HMGCLL1: variants seen among roughly 807,000 people sequenced by gnomAD.
HMGCLL1 encodes 3-hydroxy-3-methylglutaryl-CoA lyase like 1.
In HMGCLL1, 36 loss-of-function variants were observed where a neutral mutation model predicts 39.1. That is an observed-to-expected ratio of 0.92 (90% CI 0.71 to 1.22). The LOEUF is 1.22. Ranked by LOEUF, HMGCLL1 falls within the 50% of genes most tolerant of loss-of-function variation. HMGCLL1 has a pLI of 0.00. For synonymous variants in HMGCLL1, 149 were observed against 144.0 expected (o/e 1.03, Z -0.25); for missense variants, 451 against 416.5 (o/e 1.08, Z -0.72).
intron 3 of HMGCLL1, among the ~76,000 whole-genome samples, chr6:55,520,808 T>C (rs1407728495): frequency 6.6e-6 from 1 of 152,046 alleles, no homozygotes; most frequent in Non-Finnish European, 1.5e-5. Context: ...ATCCTCATGA[T>C]TTGGTTAGTA....
chr6:55,448,832 A>G (rs922996569), intron 7 of HMGCLL1, among the ~76,000 whole-genome samples: 4 of 152,078 alleles, frequency 2.6e-5, no homozygotes, highest in African/African-American at 7.2e-5. Flanking sequence ...ATTATTTACA[A>G]TCCTGAATTA....
chr6:55,449,903 G>A (rs544524189), intron 7 of HMGCLL1, among the ~76,000 whole-genome samples: 1 of 146,542 alleles, frequency 6.8e-6, no homozygotes, highest in East Asian at 2.0e-4. Context: ...TAAATAAACT[G>A]ATAATATATT....
chr6:55,508,516 T>G (rs1767278108), intron 5 of HMGCLL1, among the ~76,000 whole-genome samples: 1 of 151,810 alleles, frequency 6.6e-6, no homozygotes, highest in South Asian at 2.1e-4. Flanking sequence ...TAATTTCATA[T>G]GAATAGTGTT....
chr6:55,607,710 C>T, the HMGCLL1 span, among the ~76,000 whole-genome samples: 12 of 152,288 alleles, frequency 7.9e-5, no homozygotes, highest in South Asian at 2.1e-3. Flanking sequence ...CTCACTCTTG[C>T]TTTCTTCCCT....
At chr6:55,462,186 G>T (rs1764595701) in intron 7 of HMGCLL1, among the ~76,000 whole-genome samples, 1 of 152,146 alleles carries the variant, frequency 6.6e-6, no homozygotes, top group Admixed American at 6.6e-5. Flanking sequence ...TGGTAAGAAA[G>T]ACTGCTTTCC....
the HMGCLL1 span, among the ~76,000 whole-genome samples, chr6:55,651,012 A>G: frequency 6.6e-6 from 1 of 152,014 alleles, no homozygotes; most frequent in East Asian, 1.9e-4. Context: ...GGACCCTAAG[A>G]GCCTGCTTGT....
At chr6:55,450,194 T>C (rs1314197588) in intron 7 of HMGCLL1, among the ~76,000 whole-genome samples, 1 of 152,204 alleles carries the variant, frequency 6.6e-6, no homozygotes, top group African/African-American at 2.4e-5. Flanking sequence ...ACCACAGTGA[T>C]GAGTGCAACA....
the HMGCLL1 span, among the ~76,000 whole-genome samples, chr6:55,617,100 A>G: frequency 6.6e-6 from 1 of 152,166 alleles, no homozygotes; most frequent in South Asian, 2.1e-4. Context: ...TACACAGGTA[A>G]ATGTGTGCCA....
chr6:55,493,810 G>C (rs1240473431), intron 7 of HMGCLL1, among the ~76,000 whole-genome samples: 49 of 151,692 alleles, frequency 3.2e-4, no homozygotes. Context: ...TCGGCTCACT[G>C]CAAGCTCTGC....
At chr6:55,481,417 A>G (rs1349335165) in intron 7 of HMGCLL1, among the ~76,000 whole-genome samples, 1 of 152,070 alleles carries the variant, frequency 6.6e-6, no homozygotes, top group African/African-American at 2.4e-5. Flanking sequence ...AACGTTTGCA[A>G]TACAAAGAAA....
At chr6:55,675,538 T>C in the HMGCLL1 span, among the ~76,000 whole-genome samples, 3 of 152,114 alleles carry the variant, frequency 2.0e-5, no homozygotes, top group African/African-American at 7.2e-5. Flanking sequence ...AAGGATGTAA[T>C]GCCTAGATAT....
chr6:55,520,380 A>C (rs1443106825), intron 3 of HMGCLL1, among the ~76,000 whole-genome samples: 1 of 151,984 alleles, frequency 6.6e-6, no homozygotes, highest in Non-Finnish European at 1.5e-5. Context: ...AATTATGATA[A>C]ATACAGAAAG....
chr6:55,595,854 G>A, the HMGCLL1 span, among the ~76,000 whole-genome samples: 7 of 152,230 alleles, frequency 4.6e-5, no homozygotes, highest in Admixed American at 1.3e-4. Flanking sequence ...CCAAACTGAC[G>A]TTAAACGCTG....
At chr6:55,524,984 GTAAT>G (rs1434573535) in intron 3 of HMGCLL1, among the ~76,000 whole-genome samples, 2 of 150,672 alleles carry the variant, frequency 1.3e-5, no homozygotes, top group Admixed American at 6.7e-5. Context: ...AATAGTAATA[GTAAT>G]TAATATTATC....
chr6:55,447,908 G>A (rs919078055), intron 7 of HMGCLL1, among the ~76,000 whole-genome samples: 14 of 152,076 alleles, frequency 9.2e-5, no homozygotes, highest in African/African-American at 2.9e-4. Flanking sequence ...ACGATATGCC[G>A]GACATATTAC....
intron 6 of HMGCLL1, among the ~76,000 whole-genome samples, chr6:55,495,854 A>G (rs1213434660): frequency 1.3e-5 from 2 of 152,100 alleles, no homozygotes; most frequent in Non-Finnish European, 2.9e-5. Context: ...ATATCTACCT[A>G]TCTTTTTATC....
At chr6:55,480,275 T>A (rs552885694) in intron 7 of HMGCLL1, among the ~76,000 whole-genome samples, 1 of 151,454 alleles carries the variant, frequency 6.6e-6, no homozygotes, top group Non-Finnish European at 1.5e-5. Flanking sequence ...AATAACTCTA[T>A]AGGAAAAATC....
At chr6:55,662,183 T>A in the HMGCLL1 span, among the ~76,000 whole-genome samples, 1 of 151,754 alleles carries the variant, frequency 6.6e-6, no homozygotes, top group African/African-American at 2.4e-5. Flanking sequence ...CTCATTTCTT[T>A]TTCTTAACTG....
At chr6:55,447,688 T>C (rs1046456061) in intron 7 of HMGCLL1, among the ~76,000 whole-genome samples, 1 of 152,118 alleles carries the variant, frequency 6.6e-6, no homozygotes, top group African/African-American at 2.4e-5. Context: ...ACAAGGATTG[T>C]ACCATGTGCT....
Sources: allele counts gnomAD v4.1 joint callset (sites outside exome capture counted in the v4.1 genomes callset), GRCh38; gene constraint gnomAD v4.1.1; transcripts MANE v1.5; gene names NCBI Gene and HGNC (gene_info 2026-07-23, HGNC 2026-07-21).